Variants in PDE10A observed in about 807,000 individuals in gnomAD.
The protein encoded by PDE10A is phosphodiesterase 10A, also known as cAMP and cAMP-inhibited cGMP 3',5'-cyclic phosphodiesterase 10A.
PDE10A carries 39 observed loss-of-function variants against 97.7 expected under a neutral mutation model. The observed-to-expected ratio is 0.40, with a 90% confidence interval of 0.31 to 0.52. The LOEUF (loss-of-function observed/expected upper bound fraction) is 0.52, where lower values mean the gene tolerates loss of function less well. Ranked by LOEUF, PDE10A falls within the 20% of genes least tolerant of loss-of-function variation. PDE10A has a pLI of 0.56. For missense variants in PDE10A, 731 were observed against 1,047.8 expected (o/e 0.70, Z 4.17); for synonymous variants, 371 against 376.8 (o/e 0.98, Z 0.18).
chr6:165,938,397 A>T (rs949167247), intron 1 of PDE10A, among the ~76,000 whole-genome samples: 1 of 152,258 alleles, frequency 6.6e-6, no homozygotes, highest in Non-Finnish European at 1.5e-5. Context: ...TTTCATTAAA[A>T]TGGCTATTCT....
intron 1 of PDE10A, among the ~76,000 whole-genome samples, chr6:165,848,237 T>G (rs1439842052): frequency 2.0e-5 from 3 of 152,184 alleles, no homozygotes; most frequent in Non-Finnish European, 4.4e-5. Flanking sequence ...GGAATTGTTC[T>G]GCGCACTGGG....
chr6:165,380,175 T>C (rs1480277014), intron 17 of PDE10A, among the ~76,000 whole-genome samples: 1 of 152,206 alleles, frequency 6.6e-6, no homozygotes, highest in Admixed American at 6.5e-5. Flanking sequence ...TTGTTGAAAC[T>C]AAAAAGTTTG....
chr6:165,396,453 G>A lies in PDE10A; in HGVS notation c.2083C>T (p.His695Tyr). ...ALALHCANMY[H>Y]RIRHSECIYR... The stretch of plus-strand genomic sequence containing the variant: ...ATGCACTCTGAGTGGCGAATTCTAT[G>A]ATACATCTAGAAGGCAAATCCAAAA... Residue 695 changes from histidine (H) to tyrosine (Y), a missense_variant, in exon 14 of 22, where the codon CAT (histidine) becomes TAT (tyrosine). By Grantham distance (83) the His-to-Tyr change is moderately conservative. Around this residue, in one of 8 missense-constraint regions of PDE10A, gnomAD observed 131 missense variants for 187.4 expected, o/e 0.70. Transcript: ENST00000539869. 1.2e-6 allele frequency: 2 copies of A among 1,607,786 alleles called. No homozygotes were observed. The highest frequency in any genetic ancestry group is 1.7e-6 in the Non-Finnish European group (2 of 1,176,740).
At chr6:165,881,398 T>A (rs944531954) in intron 1 of PDE10A, among the ~76,000 whole-genome samples, 3 of 111,724 alleles carry the variant, frequency 2.7e-5, no homozygotes, top group African/African-American at 9.7e-5. Context: ...TTTTCTTTTT[T>A]TTTTTTTTTT....
At chr6:165,835,776 C>T (rs1052284705) in intron 1 of PDE10A, among the ~76,000 whole-genome samples, 8 of 152,250 alleles carry the variant, frequency 5.3e-5, no homozygotes, top group Admixed American at 2.0e-4. Context: ...CAGCAGCGTA[C>T]AGGAGGAGGG....
intron 13 of PDE10A, among the ~76,000 whole-genome samples, chr6:165,413,036 C>T (rs558993183): frequency 6.6e-6 from 1 of 152,072 alleles, no homozygotes; most frequent in South Asian, 2.1e-4. Context: ...GAGTTAACAC[C>T]GAGAATGCAT....
chr6:165,437,715 A>G (rs1199797492), intron 5 of PDE10A, among the ~76,000 whole-genome samples: 1 of 152,308 alleles, frequency 6.6e-6, no homozygotes, highest in Admixed American at 6.5e-5. Context: ...TGAAGGCCCA[A>G]AACTCCAGCA....
chr6:165,411,086 C>CTTAAAAAAAAAA (rs1787774917), intron 13 of PDE10A, among the ~76,000 whole-genome samples: 1 of 43,086 alleles, frequency 2.3e-5, no homozygotes, highest in Non-Finnish European at 3.9e-5. Context: ...GACTCCGCCT[C>CTTAAAAAAAAAA]AAAAAAAAAA....
chr6:165,576,074 G>A (rs916046483), intron 1 of PDE10A, among the ~76,000 whole-genome samples: 2 of 122,690 alleles, frequency 1.6e-5, no homozygotes, highest in African/African-American at 6.1e-5. Flanking sequence ...TAATAAATTT[G>A]CCTAAAGCAA....
At chr6:165,826,899 T>G (rs1432170492) in intron 1 of PDE10A, among the ~76,000 whole-genome samples, 1 of 147,782 alleles carries the variant, frequency 6.8e-6, no homozygotes, top group Non-Finnish European at 1.5e-5. Flanking sequence ...ACAAAGTGGG[T>G]CATGAGGTGG....
At chr6:165,855,319 G>GA (rs1554332716) in intron 1 of PDE10A, among the ~76,000 whole-genome samples, 5 of 92,414 alleles carry the variant, frequency 5.4e-5, no homozygotes, top group Non-Finnish European at 1.2e-4. Context: ...GGGGGGGGGG[G>GA]ACTCAGGGGC....
At chr6:165,601,011 A>G (rs1786913417) in intron 1 of PDE10A, among the ~76,000 whole-genome samples, 1 of 152,186 alleles carries the variant, frequency 6.6e-6, no homozygotes, top group Non-Finnish European at 1.5e-5. Flanking sequence ...CCAAATCTCA[A>G]CTTGAATTGT....
rs146974726 is a variant in PDE10A, at chr6:165,973,808, C to T, written c.-615+13721G>A. On this transcript the variant is annotated intron_variant, in intron 1 of 19. Coordinates refer to the PDE10A transcript ENST00000366882. ...TTATGAATACAGTAACATAGCTTTTCATGTAAAGTTTTTTTATTCCTTTAT... is the reference window on the plus strand; with the variant it reads ...TTATGAATACAGTAACATAGCTTTTTATGTAAAGTTTTTTTATTCCTTTAT... 4.6e-3 allele frequency among the ~76,000 whole-genome samples: 699 copies of T among 152,318 alleles called. 5 individuals carry two copies. The highest frequency in any genetic ancestry group is 7.7e-3 in the Admixed American group (118 of 15,308).
At chr6:165,537,111 T>C (rs1392364801) in intron 2 of PDE10A, among the ~76,000 whole-genome samples, 1 of 151,740 alleles carries the variant, frequency 6.6e-6, no homozygotes, top group African/African-American at 2.4e-5. Context: ...TATTCAGCCA[T>C]GAAAAATACA....
At chr6:165,664,769 C>A (rs1790455557), upstream of PDE10A, among the ~76,000 whole-genome samples, 1 of 152,222 alleles carries the variant, frequency 6.6e-6, no homozygotes, top group South Asian at 2.1e-4. Context: ...GCTGCCCACA[C>A]ATTTAGGGAA....
At chr6:165,512,948 T>C (rs1333792727) in intron 2 of PDE10A, among the ~76,000 whole-genome samples, 5 of 152,042 alleles carry the variant, frequency 3.3e-5, no homozygotes. Context: ...TGGCCATTTA[T>C]ATATTCTCTT....
At chr6:165,691,574 C>A (rs1291727305) in intron 1 of PDE10A, among the ~76,000 whole-genome samples, 4 of 131,020 alleles carry the variant, frequency 3.1e-5, no homozygotes, top group Non-Finnish European at 4.8e-5. Context: ...TGCCCATGCG[C>A]ACGCATGCAC....
chr6:165,806,042 T>TAAAAAAAAAA (rs67104260), intron 1 of PDE10A, among the ~76,000 whole-genome samples: 1 of 73,140 alleles, frequency 1.4e-5, no homozygotes, highest in African/African-American at 5.6e-5. Context: ...GCTTGATTAT[T>TAAAAAAAAAA]AAAAAAAAAA....
intron 1 of PDE10A, among the ~76,000 whole-genome samples, chr6:165,972,770 G>A (rs1054884964): frequency 1.3e-4 from 20 of 152,198 alleles, no homozygotes; most frequent in African/African-American, 4.6e-4. Flanking sequence ...CAAGAGGCCA[G>A]AACAATTCTG....
Sources: allele counts gnomAD v4.1 joint callset (sites outside exome capture counted in the v4.1 genomes callset), GRCh38; gene constraint gnomAD v4.1.1; regional missense constraint gnomAD v4.1.1; transcripts MANE v1.5; gene names NCBI Gene and HGNC (gene_info 2026-07-23, HGNC 2026-07-21).